RAB3B: variants seen among roughly 807,000 people sequenced by gnomAD.
RAB3B encodes RAB3B, member RAS oncogene family.
RAB3B carries 11 observed loss-of-function variants against 20.5 expected under a neutral mutation model. The ratio of observed to expected loss-of-function variants is 0.54; its 90% CI spans 0.34 to 0.89. RAB3B has a LOEUF of 0.89. RAB3B is among the 40% of genes least tolerant of loss of function. RAB3B has a pLI of 0.02. For missense variants in RAB3B, 225 were observed against 280.9 expected, an observed-to-expected ratio of 0.80 and a Z score of 1.42; for synonymous variants, 99 against 106.3, an observed-to-expected ratio of 0.93 and a Z score of 0.42.
chr1:51,979,036 G>C (rs1410298117), intron 1 of RAB3B, among the ~76,000 whole-genome samples: 2 of 152,152 alleles, frequency 1.3e-5, no homozygotes, highest in Non-Finnish European at 2.9e-5. Context: ...ATCTGAGACT[G>C]TAAGTTCCAT....
intron 2 of RAB3B, among the ~76,000 whole-genome samples, chr1:51,940,286 A>T (rs1193957278): frequency 6.6e-6 from 1 of 152,200 alleles, no homozygotes; most frequent in East Asian, 1.9e-4. Flanking sequence ...GATAATTAGC[A>T]ATATGAGGTA....
chr1:51,967,905 C>T (rs11205916), intron 2 of RAB3B, among the ~76,000 whole-genome samples: 39 of 152,030 alleles, frequency 2.6e-4, no homozygotes, highest in Non-Finnish European at 4.9e-4. Context: ...AATATGTTAC[C>T]TTACATGGCA....
intron 1 of RAB3B, among the ~76,000 whole-genome samples, chr1:51,979,110 T>C (rs1048385641): frequency 6.6e-6 from 1 of 152,048 alleles, no homozygotes; most frequent in Non-Finnish European, 1.5e-5. Context: ...CCAGGACACT[T>C]GGAGACTGAG....
chr1:51,985,511 G>A (rs2124321656), intron 1 of RAB3B, among the ~76,000 whole-genome samples: 1 of 152,244 alleles, frequency 6.6e-6, no homozygotes, highest in East Asian at 1.9e-4. Context: ...GGACTTTGGA[G>A]TAGCAGCTTT....
At chr1:51,924,184 A>G (rs150174549) in intron 4 of RAB3B, among the ~76,000 whole-genome samples, 69 of 152,322 alleles carry the variant, frequency 4.5e-4, no homozygotes, top group Middle Eastern at 3.4e-3. Flanking sequence ...GCTCAGCTCA[A>G]TGAGCACGGT....
chr1:51,962,816 A>G (rs1057166754), intron 2 of RAB3B, among the ~76,000 whole-genome samples: 1 of 152,142 alleles, frequency 6.6e-6, no homozygotes, highest in Non-Finnish European at 1.5e-5. Context: ...CTTCTCCTAA[A>G]GCCTCTAAAT....
At chr1:51,958,446 G>T (rs563094040) in intron 2 of RAB3B, among the ~76,000 whole-genome samples, 1 of 152,150 alleles carries the variant, frequency 6.6e-6, no homozygotes, top group Non-Finnish European at 1.5e-5. Context: ...ATACTCGGCC[G>T]GGCGCGGTGG....
intron 4 of RAB3B, among the ~76,000 whole-genome samples, chr1:51,923,902 C>G (rs1435766296): frequency 6.6e-6 from 1 of 152,038 alleles, no homozygotes; most frequent in African/African-American, 2.4e-5. Context: ...AACTCTTCAC[C>G]TAACTTCTTC....
rs1278464912 is a variant in RAB3B at position 51,912,541 on chromosome 1, T to C, written c.*7386A>G. 9.4e-3 allele frequency: 32 copies of C among 3,414 alleles called. 1 individual carries two copies. Among genetic ancestry groups the C allele is most frequent in the Non-Finnish European group, 0.013 (29 of 2,190 alleles). The allele number at this position is 3,414 out of a possible 1,614,324, so 0.2% of individuals were successfully genotyped here. ...GGGCAACATAGCAAGACCGTCTCTA[T>C]TAAAAAAAAAAAAATATATATATAT... On this transcript the variant is annotated 3_prime_UTR_variant, in exon 5 of 5. Transcript: ENST00000371655.
chr1:51,942,589 A>G (rs1037443810), intron 2 of RAB3B, among the ~76,000 whole-genome samples: 2 of 152,346 alleles, frequency 1.3e-5, no homozygotes, highest in East Asian at 3.9e-4. Flanking sequence ...AATGGCTTCT[A>G]AAATGTCTCC....
Position 51,920,118 on chromosome 1 carries a change from G to C in RAB3B, c.473-4C>G. ...CTGGCTTCAAAGAAATCAAACCCTG[G>C]AAAGAGGAGAGATACAGATAAGGAC... On this transcript the variant is annotated splice_region_variant and splice_polypyrimidine_tract_variant and intron_variant, in intron 4 of 4. Coordinates refer to ENST00000371655, the MANE Select transcript of RAB3B (RefSeq NM_002867.4). 6.2e-7 allele frequency: 1 copy of C among 1,605,114 alleles called. No individual in the cohort carries two copies. The highest frequency in any genetic ancestry group is 8.5e-7 in the Non-Finnish European group (1 of 1,174,026).
At chr1:51,955,565 A>G (rs757724788) in intron 2 of RAB3B, among the ~76,000 whole-genome samples, 4 of 151,888 alleles carry the variant, frequency 2.6e-5, no homozygotes, top group Admixed American at 6.6e-5. Context: ...CTACCCAGCT[A>G]ATGTTTATGT....
chr1:51,952,808 C>A (rs1461484936), intron 2 of RAB3B, among the ~76,000 whole-genome samples: 2 of 152,012 alleles, frequency 1.3e-5, no homozygotes, highest in Non-Finnish European at 2.9e-5. Context: ...CCAAACACAC[C>A]CCTTTTCTGG....
At chr1:51,967,521 C>CTTTTTTTTCTTTTTTTTTTTTTTTTTT (rs1684870982) in intron 2 of RAB3B, among the ~76,000 whole-genome samples, 1 of 36,496 alleles carries the variant, frequency 2.7e-5, no homozygotes, top group Non-Finnish European at 5.7e-5. Context: ...TTTTCTTTTT[C>CTTTTTTTTCTTTTTTTTTTTTTTTTTT]TTTTTTTTTT....
At chr1:51,920,577 A>G (rs768658219) in intron 4 of RAB3B, among the ~76,000 whole-genome samples, 12 of 152,174 alleles carry the variant, frequency 7.9e-5, no homozygotes, top group Non-Finnish European at 1.2e-4. Flanking sequence ...CACATAGATT[A>G]TTTTATTTGA....
At chr1:51,983,039 G>C (rs966404744) in intron 1 of RAB3B, among the ~76,000 whole-genome samples, 1 of 152,012 alleles carries the variant, frequency 6.6e-6, no homozygotes, top group East Asian at 1.9e-4. Flanking sequence ...TCTTATATAG[G>C]TGTACCATTT....
intron 2 of RAB3B, among the ~76,000 whole-genome samples, chr1:51,969,397 C>T (rs1381654719): frequency 1.3e-5 from 2 of 152,210 alleles, no homozygotes; most frequent in Admixed American, 1.3e-4. Flanking sequence ...GCTTCTCCTA[C>T]AGACCTGAGT....
chr1:51,935,602 AC>A (rs757249847), intron 3 of RAB3B, among the ~76,000 whole-genome samples: 2 of 152,122 alleles, frequency 1.3e-5, no homozygotes, highest in Non-Finnish European at 2.9e-5. Flanking sequence ...AGGAATCGTC[AC>A]CAGGTGTTAA....
At chr1:51,940,774 C>A (rs568035126) in intron 2 of RAB3B, among the ~76,000 whole-genome samples, 2 of 152,118 alleles carry the variant, frequency 1.3e-5, no homozygotes, top group Non-Finnish European at 2.9e-5. Flanking sequence ...GTAGCTTAAA[C>A]AACAAGGTTT....
Sources: gnomAD v4.1 joint callset for allele counts (sites outside exome capture counted in the v4.1 genomes callset) on GRCh38, gnomAD v4.1.1 for gene constraint, MANE v1.5 for transcripts, NCBI Gene and HGNC (gene_info 2026-07-23, HGNC 2026-07-21) for gene names.